The following TSPAN5 variants were observed in gnomAD, a reference collection of about 807,000 sequenced individuals.
TSPAN5 encodes tetraspanin 5.
Under a neutral mutation model 37.1 loss-of-function variants are expected in TSPAN5, and 10 were observed. The observed-to-expected ratio is 0.27, with a 90% confidence interval of 0.17 to 0.46. The LOEUF (loss-of-function observed/expected upper bound fraction) is 0.46, where lower values mean the gene tolerates loss of function less well. TSPAN5 is among the 20% of genes least tolerant of loss of function. The pLI is 1.00. For missense variants in TSPAN5, 195 were observed against 326.6 expected (o/e 0.60, Z 3.11); for synonymous variants, 110 against 118.9 (o/e 0.93, Z 0.48).
intron 3 of TSPAN5, chr4:98,484,779 T>C (rs1427219586): frequency 6.3e-6 from 2 of 316,828 alleles, no homozygotes; most frequent in South Asian, 2.8e-5. Flanking sequence ...CTGGCCAACA[T>C]GGTGAAACCC....
chr4:98,557,171 C>T (rs901359372), intron 1 of TSPAN5, among the ~76,000 whole-genome samples: 7 of 150,504 alleles, frequency 4.7e-5, no homozygotes, highest in Non-Finnish European at 7.4e-5. Context: ...TAAAATAGTA[C>T]ATTTTATCAT....
intron 1 of TSPAN5, among the ~76,000 whole-genome samples, chr4:98,624,832 A>G (rs1276616392): frequency 6.6e-6 from 1 of 152,222 alleles, no homozygotes; most frequent in Non-Finnish European, 1.5e-5. Flanking sequence ...AAGAAAGTCA[A>G]TGTTACATAA....
chr4:98,489,282 C>T (rs548430199), intron 2 of TSPAN5, among the ~76,000 whole-genome samples: 1 of 152,326 alleles, frequency 6.6e-6, no homozygotes, highest in South Asian at 2.1e-4. Context: ...CACTTTTAAA[C>T]ATGGGGCTTG....
Position 98,484,277 on chromosome 4 carries a change from G to A in TSPAN5, c.280-2102C>T, listed in dbSNP as rs527376618. On this transcript the variant is annotated intron_variant, in intron 3 of 7. Coordinates refer to ENST00000305798, the MANE Select transcript of TSPAN5 (RefSeq NM_005723.4). The stretch of plus-strand genomic sequence containing the variant: ...CCCTAGAGCCTCGGTCAACCAAGAA[G>A]GTCTATTTCCATTTTGCAGTATCTT... The A allele has an allele frequency of 3.1e-4, 114 of 369,112 alleles. 2 individuals carry two copies. The highest frequency in any genetic ancestry group is 2.1e-3 in the African/African-American group (100 of 47,078). 22.9% of individuals were successfully genotyped at this position (369,112 alleles called of 1,614,324 possible).
chr4:98,533,543 C>CTTTTTTTTTTTTTTTTTTTTTTTTTTTTG (rs576852948), intron 1 of TSPAN5, among the ~76,000 whole-genome samples: 1 of 58,582 alleles, frequency 1.7e-5, no homozygotes, highest in Non-Finnish European at 2.7e-5. Flanking sequence ...TCCCCTATAT[C>CTTTTTTTTTTTTTTTTTTTTTTTTTTTTG]TTTTTTTTTT....
intron 1 of TSPAN5, among the ~76,000 whole-genome samples, chr4:98,615,129 CCACAGT>C (rs1756292769): frequency 6.6e-6 from 1 of 152,200 alleles, no homozygotes; most frequent in Non-Finnish European, 1.5e-5. Context: ...TGTGGCCCAG[CCACAGT>C]TCATATCCTC....
chr4:98,480,677 G>A (rs1752818147), intron 4 of TSPAN5, among the ~76,000 whole-genome samples: 1 of 152,186 alleles, frequency 6.6e-6, no homozygotes, highest in African/African-American at 2.4e-5. Flanking sequence ...GGTCCTTCCA[G>A]GGCTTGGGTC....
intron 1 of TSPAN5, among the ~76,000 whole-genome samples, chr4:98,587,883 G>A (rs576529334): frequency 3.3e-5 from 5 of 149,584 alleles, no homozygotes; most frequent in African/African-American, 5.0e-5. Context: ...ACAAGACTCC[G>A]TCTCAAAAAC....
intron 1 of TSPAN5, among the ~76,000 whole-genome samples, chr4:98,532,397 G>C (rs910554530): frequency 1.2e-4 from 19 of 152,204 alleles, no homozygotes; most frequent in African/African-American, 4.1e-4. Context: ...CCTTGAAGAG[G>C]TCCTTCACAT....
At chr4:98,512,918 C>T (rs533630117) in intron 1 of TSPAN5, among the ~76,000 whole-genome samples, 3 of 152,092 alleles carry the variant, frequency 2.0e-5, no homozygotes, top group South Asian at 2.1e-4. Flanking sequence ...AAGAGTAAAA[C>T]GTAAAATCAT....
At chr4:98,604,832 G>C (rs560332948) in intron 1 of TSPAN5, among the ~76,000 whole-genome samples, 1 of 152,276 alleles carries the variant, frequency 6.6e-6, no homozygotes, top group Admixed American at 6.5e-5. Flanking sequence ...TAAAGAGCAG[G>C]TCTCATGCCA....
chr4:98,646,131 C>T (rs72898299), intron 1 of TSPAN5, among the ~76,000 whole-genome samples: 5,414 of 152,022 alleles, frequency 0.036, 345 homozygotes, highest in African/African-American at 0.12. Context: ...AAGCTCTCAT[C>T]GCATCCCATT....
chr4:98,532,926 T>C (rs1445640838), intron 1 of TSPAN5, among the ~76,000 whole-genome samples: 1 of 152,216 alleles, frequency 6.6e-6, no homozygotes, highest in Non-Finnish European at 1.5e-5. Context: ...CAAAGGCCTT[T>C]TCTGCATCTA....
intron 1 of TSPAN5, among the ~76,000 whole-genome samples, chr4:98,521,207 G>A (rs1753847840): frequency 6.6e-6 from 1 of 152,242 alleles, no homozygotes; most frequent in Non-Finnish European, 1.5e-5. Flanking sequence ...TGAGATTACA[G>A]GTGTGAGCCA....
chr4:98,655,781 C>A (rs566229419), intron 1 of TSPAN5, among the ~76,000 whole-genome samples: 2 of 152,190 alleles, frequency 1.3e-5, no homozygotes, highest in Non-Finnish European at 2.9e-5. Flanking sequence ...ACATCTTAGT[C>A]TGAATTACTT....
chr4:98,571,870 A>AGAAATT (rs1321180585), intron 1 of TSPAN5, among the ~76,000 whole-genome samples: 1 of 152,232 alleles, frequency 6.6e-6, no homozygotes, highest in Non-Finnish European at 1.5e-5. Flanking sequence ...TGGATATAAC[A>AGAAATT]GTGAACCTCC....
intron 1 of TSPAN5, among the ~76,000 whole-genome samples, chr4:98,607,608 G>A (rs1756067446): frequency 6.6e-6 from 1 of 151,692 alleles, no homozygotes; most frequent in South Asian, 2.1e-4. Flanking sequence ...CAGTCCTATT[G>A]CCTACATATA....
chr4:98,503,818 T>C (rs1030989775), intron 2 of TSPAN5, among the ~76,000 whole-genome samples: 2 of 152,208 alleles, frequency 1.3e-5, no homozygotes, highest in Admixed American at 6.5e-5. Flanking sequence ...ATAAATGTTA[T>C]CTGAATGAAT....
chr4:98,488,663 G>A (rs183598661), intron 2 of TSPAN5, among the ~76,000 whole-genome samples: 5 of 152,052 alleles, frequency 3.3e-5, no homozygotes, highest in South Asian at 4.2e-4. Context: ...TATTTACTCC[G>A]GGGGAAAAGG....
Sources: gnomAD v4.1 joint callset for allele counts (sites outside exome capture counted in the v4.1 genomes callset) on GRCh38, gnomAD v4.1.1 for gene constraint, MANE v1.5 for transcripts, NCBI Gene and HGNC (gene_info 2026-07-23, HGNC 2026-07-21) for gene names.